STAMBPL1: variants seen among roughly 807,000 people sequenced by gnomAD.
STAMBPL1 encodes AMSH-like protease.
In STAMBPL1, 44 loss-of-function variants were observed where a neutral mutation model predicts 52.9. The observed-to-expected ratio is 0.83, with a 90% confidence interval of 0.65 to 1.07. The LOEUF (loss-of-function observed/expected upper bound fraction) is 1.07. Among genes scored for constraint, STAMBPL1 ranks in the 50% least tolerant of loss-of-function variants. The pLI is 0.00. For missense variants in STAMBPL1, 511 were observed against 520.8 expected (o/e 0.98, Z 0.18); for synonymous variants, 164 against 177.3 (o/e 0.92, Z 0.60).
intron 7 of STAMBPL1, among the ~76,000 whole-genome samples, chr10:88,916,040 AC>A (rs1307645868): frequency 6.6e-6 from 1 of 151,938 alleles, no homozygotes; most frequent in African/African-American, 2.4e-5. Context: ...GCACTTCACA[AC>A]CCTCTTCCTC....
In STAMBPL1 at chr10:88,922,573, TAATC is replaced by T. The variant is rs1192513138; in HGVS notation, c.1254+138_1254+141del. On this transcript the variant is annotated intron_variant, in intron 10 of 10. Transcript: ENST00000371926. ...AGTTTGGAGTTTTATCTCAGAAAAT[TAATC>T]TATCTGTATACTTAATTTCTGATTT... 5 of 693,598 alleles carry T rather than the reference TAATC, an allele frequency of 7.2e-6. No individual in the cohort carries two copies. In the African/African-American group the frequency reaches 9.0e-5, roughly 12 times the overall value. 43.0% of individuals were successfully genotyped at this position (693,598 alleles called of 1,614,324 possible). A position where few individuals can be genotyped will look rare whatever the true frequency, so the allele number is the denominator to read the frequency against.
chr10:88,890,230 T>G (rs531528836), intron 1 of STAMBPL1, among the ~76,000 whole-genome samples: 1 of 152,324 alleles, frequency 6.6e-6, no homozygotes, highest in East Asian at 1.9e-4. Flanking sequence ...CAGACCCAGC[T>G]TTGTGGGACT....
intron 8 of STAMBPL1, among the ~76,000 whole-genome samples, chr10:88,920,842 A>T (rs1437071576): frequency 6.6e-6 from 1 of 152,174 alleles, no homozygotes; most frequent in Non-Finnish European, 1.5e-5. Flanking sequence ...TGTTGTATAT[A>T]TGTATCTTGT....
chr10:88,921,027 A>G (rs1031631060), intron 8 of STAMBPL1, among the ~76,000 whole-genome samples: 1 of 152,178 alleles, frequency 6.6e-6, no homozygotes, highest in Non-Finnish European at 1.5e-5. Context: ...CTAGCAAATT[A>G]ATTTCCAGCT....
In STAMBPL1 at chr10:88,908,697, C is replaced by G; in HGVS notation, c.249-5C>G. On this transcript the variant is annotated splice_polypyrimidine_tract_variant and splice_region_variant and intron_variant, in intron 3 of 10. Transcript: ENST00000371926. ...AATGCTAAGGACATGTTTTCTCTTCCTTAGCTTATTTGTAGAAAAGCTTCC... is the reference window on the plus strand; with the variant it reads ...AATGCTAAGGACATGTTTTCTCTTCGTTAGCTTATTTGTAGAAAAGCTTCC... 1 of 1,607,540 alleles carries G rather than the reference C, an allele frequency of 6.2e-7. No individual in the cohort carries two copies. The highest frequency in any genetic ancestry group is 8.5e-7 in the Non-Finnish European group (1 of 1,177,624).
chr10:88,883,915 A>T (rs1422657912), intron 1 of STAMBPL1, among the ~76,000 whole-genome samples: 2 of 151,518 alleles, frequency 1.3e-5, no homozygotes, highest in Non-Finnish European at 2.9e-5. Flanking sequence ...TTTTTGTTTT[A>T]GTTCTGACTT....
At chr10:88,893,566 A>G (rs1844739861) in intron 1 of STAMBPL1, among the ~76,000 whole-genome samples, 1 of 152,100 alleles carries the variant, frequency 6.6e-6, no homozygotes, top group Admixed American at 6.6e-5. Context: ...ACATAGTGAA[A>G]CCCCGTCTCT....
At chr10:88,890,377 G>A (rs1359521602) in intron 1 of STAMBPL1, among the ~76,000 whole-genome samples, 2 of 152,246 alleles carry the variant, frequency 1.3e-5, no homozygotes, top group Non-Finnish European at 2.9e-5. Flanking sequence ...TCAAAGGGGA[G>A]CAAGATAGAA....
rs139103435 is a variant in STAMBPL1, at chr10:88,913,307, C to T, written c.627C>T (p.Ser209=). 4.0e-5 allele frequency: 65 copies of T among 1,613,852 alleles called. No individual in the cohort carries two copies. In the African/African-American group the frequency reaches 6.9e-4, roughly 17 times the overall value. The change falls in exon 6 of 11, where the codon AGC becomes AGT. Residue 209 remains serine (S), a synonymous_variant. Coordinates refer to ENST00000371926, the MANE Select transcript of STAMBPL1 (RefSeq NM_020799.4). ...TSGLSEQIDG[S]ALSCFSTHQN... ...GGCTGTCAGAGCAGATTGATGGGAG[C>T]GCTTTGTCCTGCTTTTCCACACACC...
intron 1 of STAMBPL1, among the ~76,000 whole-genome samples, chr10:88,888,105 G>T (rs1260060635): frequency 2.0e-5 from 3 of 152,132 alleles, no homozygotes; most frequent in Non-Finnish European, 4.4e-5. Context: ...CCACAGGGTT[G>T]GTGGGAATTT....
rs568177785 is a variant in STAMBPL1, at chr10:88,914,665, T to C, written c.903+7T>C. 8.9e-6 allele frequency: 11 copies of C among 1,233,852 alleles called. No homozygotes were observed. Among genetic ancestry groups the C allele is most frequent in the African/African-American group, 6.3e-5 (4 of 63,392 alleles). 76.4% of individuals were successfully genotyped at this position (1,233,852 alleles called of 1,614,324 possible). On this transcript the variant is annotated splice_region_variant and intron_variant, in intron 7 of 10. Transcript: ENST00000371926. ...AATACTCTGTGGAAAACTGGTATGA[T>C]CTTTTTATATAAATATATATATATA...
intron 1 of STAMBPL1, among the ~76,000 whole-genome samples, chr10:88,885,983 G>C (rs1263799538): frequency 6.6e-6 from 1 of 152,126 alleles, no homozygotes; most frequent in African/African-American, 2.4e-5. Context: ...TCTTGGTCTT[G>C]TATAAAGTTG....
At chr10:88,906,767 T>G (rs1293507397) in intron 3 of STAMBPL1, among the ~76,000 whole-genome samples, 1 of 152,154 alleles carries the variant, frequency 6.6e-6, no homozygotes, top group Non-Finnish European at 1.5e-5. Context: ...CATGCTCAGC[T>G]AATTTTTTAT....
At chr10:88,908,455 G>A (rs1362247537) in intron 3 of STAMBPL1, among the ~76,000 whole-genome samples, 2 of 152,144 alleles carry the variant, frequency 1.3e-5, no homozygotes, top group Non-Finnish European at 2.9e-5. Flanking sequence ...AAAGTGACTT[G>A]AACTGTTTGG....
chr10:88,898,530 T>C (rs543376286), intron 1 of STAMBPL1, among the ~76,000 whole-genome samples: 8 of 152,282 alleles, frequency 5.3e-5, no homozygotes, highest in Admixed American at 5.2e-4. Context: ...AGCTAATACA[T>C]GGTTCAAAAA....
At chr10:88,895,727 G>A (rs1369837530) in intron 1 of STAMBPL1, among the ~76,000 whole-genome samples, 1 of 152,166 alleles carries the variant, frequency 6.6e-6, no homozygotes, top group Non-Finnish European at 1.5e-5. Context: ...CCCAACTAGT[G>A]ATAGAAACTG....
At chr10:88,923,101 A>G in intron 10 of STAMBPL1, 67 bp from the exon 11 acceptor site, 2 of 1,172,676 alleles carry the variant, frequency 1.7e-6, no homozygotes, top group South Asian at 2.7e-5. Context: ...TCCTCCCTAA[A>G]GAAAATCATA....
chr10:88,923,135 A>G, intron 10 of STAMBPL1, 33 bp from the exon 11 acceptor site: 1 of 1,507,176 alleles, frequency 6.6e-7, no homozygotes, highest in Non-Finnish European at 9.1e-7. Context: ...GGTGAAATCA[A>G]ACATATGGTA....
intron 4 of STAMBPL1, among the ~76,000 whole-genome samples, chr10:88,909,973 C>A (rs1172014029): frequency 6.6e-6 from 1 of 152,088 alleles, no homozygotes; most frequent in East Asian, 1.9e-4. Flanking sequence ...CATTTCCCCT[C>A]AGTTCTCTTG....
Sources: gnomAD v4.1 joint callset for allele counts (sites outside exome capture counted in the v4.1 genomes callset) on GRCh38, gnomAD v4.1.1 for gene constraint, MANE v1.5 for transcripts, NCBI Gene and HGNC (gene_info 2026-07-23, HGNC 2026-07-21) for gene names.